DMGDH: variants seen among roughly 807,000 people sequenced by gnomAD.
DMGDH encodes dimethylglycine dehydrogenase.
A neutral mutation model predicts 95.2 loss-of-function variants in DMGDH; 76 were observed. The ratio of observed to expected loss-of-function variants is 0.80; its 90% CI spans 0.66 to 0.97. The LOEUF (loss-of-function observed/expected upper bound fraction) is 0.97, where lower values mean the gene tolerates loss of function less well. DMGDH is among the 50% of genes least tolerant of loss of function. The probability of loss-of-function intolerance (pLI) is 0.00; values close to 1 mark genes in which losing one functional copy is unlikely to be tolerated. For missense variants in DMGDH, 987 were observed against 1,055.0 expected, an observed-to-expected ratio of 0.94 and a Z score of 0.89; for synonymous variants, 345 against 377.6, an observed-to-expected ratio of 0.91 and a Z score of 1.00.
intron 14 of DMGDH, among the ~76,000 whole-genome samples, chr5:79,017,151 T>C (rs144346475): frequency 1.3e-5 from 2 of 152,110 alleles, no homozygotes; most frequent in Admixed American, 6.5e-5. Flanking sequence ...TTCCTAGATA[T>C]GAACCAAAAG....
chr5:79,060,134 T>A (rs1287417239), intron 2 of DMGDH, among the ~76,000 whole-genome samples: 1 of 152,218 alleles, frequency 6.6e-6, no homozygotes, highest in Non-Finnish European at 1.5e-5. Flanking sequence ...TTTATAAATA[T>A]CAGTAAAGCT....
intron 2 of DMGDH, among the ~76,000 whole-genome samples, chr5:79,061,162 T>C (rs1241412556): frequency 6.6e-6 from 1 of 150,808 alleles, no homozygotes; most frequent in Non-Finnish European, 1.5e-5. Flanking sequence ...GAGGCTGCAG[T>C]GAGTCATGAT....
intron 5 of DMGDH, among the ~76,000 whole-genome samples, chr5:79,045,321 G>A (rs1008890192): frequency 1.2e-4 from 18 of 152,130 alleles, no homozygotes; most frequent in African/African-American, 3.9e-4. Flanking sequence ...TTCACCGTTA[G>A]CACAGAGATT....
intron 1 of DMGDH, among the ~76,000 whole-genome samples, chr5:79,068,124 A>C (rs1432806989): frequency 6.6e-6 from 1 of 152,088 alleles, no homozygotes; most frequent in Admixed American, 6.5e-5. Context: ...CACCATGTTG[A>C]TCAGGCTGGT....
chr5:79,026,916 G>A (rs920952305), intron 12 of DMGDH, among the ~76,000 whole-genome samples: 6 of 152,188 alleles, frequency 3.9e-5, no homozygotes, highest in African/African-American at 9.6e-5. Context: ...GGACAATGAC[G>A]TTAGGTGAAT....
rs2303128 is a variant in DMGDH at position 79,024,262 on chromosome 5, T to C, written c.2250+9A>G. 0.033 allele frequency: 53,437 copies of C among 1,611,258 alleles called. 2,877 individuals are homozygous for C. Among genetic ancestry groups the C allele is most frequent in the African/African-American group, 0.18 (13,219 of 74,874 alleles). On this transcript the variant is annotated intron_variant, in intron 14 of 15. Coordinates refer to ENST00000255189, the MANE Select transcript of DMGDH (RefSeq NM_013391.3). ...TTTACTTCAAGCACACTTTGGAATG[T>C]AAACATACCTTATTTAACTTCACAA...
Position 79,063,733 on chromosome 5 carries a change from T to G in DMGDH, c.156A>C (p.Thr52=), listed in dbSNP as rs766852808. 8.7e-6 allele frequency: 14 copies of G among 1,614,104 alleles called. No individual in the cohort carries two copies. The African/African-American group carries it at 1.7e-4, about 20-fold the overall frequency. The change falls in exon 2 of 16, where the codon ACA becomes ACC. Residue 52 remains threonine (T), a synonymous_variant. Transcript: ENST00000255189. ...AETQWKDRAE[T]VIIGGGCVGV... ...CAACACAGCCACCTCCAATTATCAC[T>G]GTTTCTGCTCTGTCTTTCCATTGTG...
Position 78,998,083 on chromosome 5 carries a change from C to CAAA in DMGDH, c.2599_2600insTTT (p.Thr866_Ter867insPhe). The stretch of plus-strand genomic sequence containing the variant: ...CAGTTGACTGCTGAAGGTCTTTTTT[C>CAAA]AAGTTTTGTCCTTTCCACCTTTTTT... On this transcript the variant is annotated inframe_insertion, in exon 16 of 16. Transcript: ENST00000255189. The CAAA allele has an allele frequency of 1.2e-6, 2 of 1,614,020 alleles. No homozygotes were observed. Among genetic ancestry groups the CAAA allele is most frequent in the Non-Finnish European group, 1.7e-6 (2 of 1,179,978 alleles).
Position 79,069,542 on chromosome 5 carries a change from G to A in DMGDH, c.79C>T (p.Arg27Cys). ...CACCCTTCCCGGCCGCAGACAGAGC[G>A]CGGGCGCCCGGGGGAGCCCTGCAGC... ...CPLQGSPGRP[R>C]SVCGREGEEK... Residue 27 changes from arginine to cysteine, a missense_variant, in exon 1 of 16, where the codon CGC becomes TGC. Arg to Cys is a radical substitution (Grantham distance 180, BLOSUM62 -3). Coordinates refer to ENST00000255189, the MANE Select transcript of DMGDH (RefSeq NM_013391.3). The A allele has an allele frequency of 7.6e-7, 1 of 1,312,984 alleles. No individual in the cohort carries two copies. Among genetic ancestry groups the A allele is most frequent in the Non-Finnish European group, 9.7e-7 (1 of 1,034,150 alleles). 81.3% of individuals were successfully genotyped at this position (1,312,984 alleles called of 1,614,324 possible).
intron 14 of DMGDH, among the ~76,000 whole-genome samples, chr5:79,009,084 G>A (rs1053485844): frequency 2.0e-5 from 3 of 151,964 alleles, no homozygotes; most frequent in Non-Finnish European, 4.4e-5. Flanking sequence ...AATAAAGAAT[G>A]TTTCTTTTAA....
At chr5:79,042,837 C>G (rs1421184778) in intron 6 of DMGDH, among the ~76,000 whole-genome samples, 1 of 152,032 alleles carries the variant, frequency 6.6e-6, no homozygotes, top group East Asian at 1.9e-4. Flanking sequence ...CCATAAGAAC[C>G]TGTTTCATCC....
chr5:79,051,452 C>A lies in DMGDH; in HGVS notation c.580G>T (p.Asp194Tyr), dbSNP rs1288609342. The change falls in exon 5 of 16, where the codon GAT (aspartate) becomes TAT (tyrosine). Residue 194 changes from aspartate (D) to tyrosine (Y), a missense_variant. Transcript: ENST00000255189. ...GLYNPGDGHI[D>Y]PYSLTMALAA... The stretch of plus-strand genomic sequence containing the variant: ...AGTGCCATAGTTAGAGAATAAGGAT[C>A]AATGTGACCATCTCCAGGATTATAC... 5 of 1,614,130 alleles carry A rather than the reference C, an allele frequency of 3.1e-6. No individual in the cohort carries two copies. The South Asian group carries it at 4.4e-5, about 14-fold the overall frequency.
intron 7 of DMGDH, among the ~76,000 whole-genome samples, chr5:79,033,975 G>T (rs1754268093): frequency 6.6e-6 from 1 of 151,978 alleles, no homozygotes; most frequent in South Asian, 2.1e-4. Flanking sequence ...AAACAAAATA[G>T]CTCTTTATGG....
chr5:79,009,663 CA>C (rs1272833465), intron 14 of DMGDH, among the ~76,000 whole-genome samples: 1 of 152,154 alleles, frequency 6.6e-6, no homozygotes, highest in African/African-American at 2.4e-5. Flanking sequence ...CCACCGCACC[CA>C]GCTGGAACAC....
chr5:79,051,172 A>G (rs982883148), intron 5 of DMGDH, 115 bp downstream of exon 5: 1 of 1,162,648 alleles, frequency 8.6e-7, no homozygotes, highest in Non-Finnish European at 1.3e-6. Context: ...AAAATGTTTA[A>G]CTTGGGAGCA....
intron 14 of DMGDH, among the ~76,000 whole-genome samples, chr5:79,016,874 T>A (rs1447247958): frequency 6.6e-6 from 1 of 152,024 alleles, no homozygotes; most frequent in East Asian, 1.9e-4. Context: ...AGTCCAGAAA[T>A]AGACCTACAA....
chr5:79,001,449 T>C (rs957099237), intron 15 of DMGDH, among the ~76,000 whole-genome samples: 2 of 152,150 alleles, frequency 1.3e-5, no homozygotes, highest in East Asian at 1.9e-4. Context: ...AGGTATGAGC[T>C]AGCATGCCTG....
rs778965122 is a variant in DMGDH, at chr5:79,031,000, T to C, written c.1518-2A>G. ...CAGTTTGTGCGGCGAAAACTTGGCC[T>C]GAAACACAACATTTAGTGTCATAAA... is the stretch of plus-strand genomic sequence containing the variant. On this transcript the variant is annotated splice_acceptor_variant, in intron 9 of 15. Transcript: ENST00000255189. LOFTEE classifies it high-confidence loss of function. 9.9e-6 allele frequency: 16 copies of C among 1,614,084 alleles called. No individual in the cohort carries two copies. Among genetic ancestry groups the C allele is most frequent in the East Asian group, 8.9e-5 (4 of 44,898 alleles).
intron 7 of DMGDH, among the ~76,000 whole-genome samples, chr5:79,036,670 C>T (rs1357811273): frequency 6.6e-6 from 1 of 152,172 alleles, no homozygotes; most frequent in African/African-American, 2.4e-5. Context: ...CACCTATTCC[C>T]TGAACTGGCT....
Sources: gnomAD v4.1 joint callset for allele counts (sites outside exome capture counted in the v4.1 genomes callset) on GRCh38, gnomAD v4.1.1 for gene constraint, MANE v1.5 for transcripts, NCBI Gene and HGNC (gene_info 2026-07-23, HGNC 2026-07-21) for gene names.